The following IL36B variants were observed in gnomAD, a reference collection of about 807,000 sequenced individuals.
The protein encoded by IL36B is interleukin 36 beta.
IL36B carries 23 observed loss-of-function variants against 19.3 expected under a neutral mutation model. That is an observed-to-expected ratio of 1.19 (90% CI 0.86 to 1.69). IL36B has a LOEUF of 1.69. Among genes scored for constraint, IL36B ranks in the 40% most tolerant of loss-of-function variants. The probability of loss-of-function intolerance (pLI) is 0.00; values close to 1 mark genes in which losing one functional copy is unlikely to be tolerated. For missense variants in IL36B, 217 were observed against 200.5 expected, an observed-to-expected ratio of 1.08 and a Z score of -0.50; for synonymous variants, 59 against 59.7, an observed-to-expected ratio of 0.99 and a Z score of 0.05.
chr2:113,036,038 G>A lies in IL36B; in HGVS notation c.-57-4272C>T, dbSNP rs556777883. On this transcript the variant is annotated intron_variant, in intron 1 of 5. Coordinates refer to ENST00000259213, the MANE Select transcript of IL36B (RefSeq NM_014438.5). ...GCTCACTGAAACCTCCGCCCCACCCGGGTTCAAGAAATTCTCCTGCCTCAG... is the reference window on the plus strand; with the variant it reads ...GCTCACTGAAACCTCCGCCCCACCCAGGTTCAAGAAATTCTCCTGCCTCAG... 1.2e-4 allele frequency among the ~76,000 whole-genome samples: 18 copies of A among 152,202 alleles called. No individual in the cohort carries two copies. In the South Asian group the frequency reaches 2.9e-3, roughly 25 times the overall value.
At chr2:113,049,097 C>A (rs1685398182) in intron 1 of IL36B, among the ~76,000 whole-genome samples, 2 of 152,030 alleles carry the variant, frequency 1.3e-5, no homozygotes, top group South Asian at 4.2e-4. Context: ...GGTGCACATG[C>A]AAAAGAATGA....
intron 3 of IL36B, among the ~76,000 whole-genome samples, chr2:113,030,460 A>T (rs919691003): frequency 6.6e-6 from 1 of 152,178 alleles, no homozygotes. Context: ...GGCACAAGAA[A>T]ATGTGTTAGT....
chr2:113,028,854 C>T (rs1685013204), intron 4 of IL36B, 85 bp downstream of exon 4: 1 of 1,408,930 alleles, frequency 7.1e-7, no homozygotes, highest in South Asian at 1.4e-5. Context: ...GGGTTGCAAG[C>T]ATATTATTTT....
intron 1 of IL36B, among the ~76,000 whole-genome samples, chr2:113,038,208 C>T (rs146442203): frequency 7.7e-4 from 118 of 152,274 alleles, no homozygotes; most frequent in African/African-American, 2.6e-3. Context: ...AGGGATGATG[C>T]TTTTCTTCTT....
intron 3 of IL36B, 137 bp from the exon 4 acceptor site, chr2:113,029,215 C>A: frequency 1.2e-6 from 1 of 833,590 alleles, no homozygotes. Flanking sequence ...CCTCCTCAAA[C>A]CTATTTTGTT....
Position 113,022,555 on chromosome 2 carries a change from C to T in IL36B, c.*119G>A, listed in dbSNP as rs1248039588. The T allele has an allele frequency of 1.6e-6, 1 of 640,804 alleles. No homozygotes were observed. Among genetic ancestry groups the T allele is most frequent in the African/African-American group, 1.8e-5 (1 of 54,882 alleles). 39.7% of individuals were successfully genotyped at this position (640,804 alleles called of 1,614,324 possible). ...AAAAATACATAGTGTCCTTGTTTTA[C>T]AAACTCTCCAGAACCCAAGAAAAGA... On this transcript the variant is annotated 3_prime_UTR_variant, in exon 6 of 6. Coordinates refer to ENST00000259213, the MANE Select transcript of IL36B (RefSeq NM_014438.5).
chr2:113,033,001 G>A (rs1170081558), intron 1 of IL36B, among the ~76,000 whole-genome samples: 1 of 152,136 alleles, frequency 6.6e-6, no homozygotes, highest in Non-Finnish European at 1.5e-5. Context: ...TTCCTTGGAG[G>A]CAGAGGTGTG....
chr2:113,051,558 G>A (rs1230500034), intron 1 of IL36B, among the ~76,000 whole-genome samples: 1 of 152,192 alleles, frequency 6.6e-6, no homozygotes, highest in Non-Finnish European at 1.5e-5. Context: ...GCTGAGGGCA[G>A]GCAACAAAGC....
At chr2:113,039,249 A>C (rs1358110421) in intron 1 of IL36B, among the ~76,000 whole-genome samples, 1 of 152,202 alleles carries the variant, frequency 6.6e-6, no homozygotes, top group Non-Finnish European at 1.5e-5. Context: ...CCCCTCACTA[A>C]GACAATTATA....
At chr2:113,028,083 C>T (rs777402955) in intron 4 of IL36B, 1 of 1,614,134 alleles carries the variant, frequency 6.2e-7, no homozygotes, top group South Asian at 1.1e-5. Context: ...TCTGTGCTTT[C>T]TTCTCCACAT....
At position 113,031,059 on chromosome 2, in the gene IL36B, C is replaced by A; in HGVS notation, c.110G>T (p.Ser37Ile). Reference sequence around the variant, plus strand: ...TGATTGTCACTCACCAGGCTTAATGCTGCGGCTAAGAGGAGCTGCTATTAA... The same window carrying A: ...TGATTGTCACTCACCAGGCTTAATGATGCGGCTAAGAGGAGCTGCTATTAA... Residue 37 changes from serine (S) to isoleucine (I), a missense_variant, in exon 3 of 6, where the codon AGC becomes ATC. Physicochemically the swap from Ser to Ile is moderately radical, Grantham distance 142. Coordinates refer to ENST00000259213, the MANE Select transcript of IL36B (RefSeq NM_014438.5). 6.2e-7 allele frequency: 1 copy of A among 1,610,350 alleles called. No individual in the cohort carries two copies. The highest frequency in any genetic ancestry group is 8.5e-7 in the Non-Finnish European group (1 of 1,176,582).
chr2:113,033,561 A>G (rs747944196), intron 1 of IL36B, among the ~76,000 whole-genome samples: 3 of 152,190 alleles, frequency 2.0e-5, no homozygotes, highest in Non-Finnish European at 4.4e-5. Flanking sequence ...TTTAGGGGCC[A>G]TTAATTTTAT....
chr2:113,050,536 G>C lies in IL36B; in HGVS notation c.-58+2281C>G, dbSNP rs538403704. On this transcript the variant is annotated intron_variant, in intron 1 of 5. Transcript: ENST00000259213. ...GTTCTGGAGATGGATGGTGGTGATG[G>C]TTGCCCAACAATGTGAATGTCCTTA... Among the ~76,000 whole-genome samples the C allele has an allele frequency of 5.9e-5, 9 of 152,210 alleles. No homozygotes were observed. The East Asian group carries it at 9.6e-4, about 16-fold the overall frequency.
chr2:113,034,197 C>G (rs1378299082), intron 1 of IL36B, among the ~76,000 whole-genome samples: 1 of 152,190 alleles, frequency 6.6e-6, no homozygotes, highest in Non-Finnish European at 1.5e-5. Context: ...CATCTGACTT[C>G]CCTGCTCTGG....
chr2:113,049,869 C>T (rs1685412096), intron 1 of IL36B, among the ~76,000 whole-genome samples: 1 of 151,934 alleles, frequency 6.6e-6, no homozygotes, highest in Non-Finnish European at 1.5e-5. Flanking sequence ...GCAGGAGAAT[C>T]ACTTGAACCT....
chr2:113,042,217 C>A (rs1056528035), intron 1 of IL36B, among the ~76,000 whole-genome samples: 1 of 152,140 alleles, frequency 6.6e-6, no homozygotes, highest in African/African-American at 2.4e-5. Flanking sequence ...AGTCGTCTTG[C>A]CTTTCCGAGC....
intron 5 of IL36B, among the ~76,000 whole-genome samples, chr2:113,024,699 T>TG (rs1390476154): frequency 6.6e-6 from 1 of 152,224 alleles, no homozygotes; most frequent in Non-Finnish European, 1.5e-5. Context: ...TAAGATGGGC[T>TG]GGCTGTCTAT....
intron 1 of IL36B, among the ~76,000 whole-genome samples, chr2:113,046,820 G>A (rs1303084108): frequency 6.6e-6 from 1 of 151,896 alleles, no homozygotes; most frequent in Non-Finnish European, 1.5e-5. Context: ...ACCTGGCTGA[G>A]ATAGTGTTCA....
chr2:113,033,272 G>T (rs751892846), intron 1 of IL36B, among the ~76,000 whole-genome samples: 1 of 152,050 alleles, frequency 6.6e-6, no homozygotes, highest in Non-Finnish European at 1.5e-5. Flanking sequence ...TCGCTCTGTC[G>T]CCAAGCTGGA....
Sources: allele counts gnomAD v4.1 joint callset (sites outside exome capture counted in the v4.1 genomes callset), GRCh38; gene constraint gnomAD v4.1.1; transcripts MANE v1.5; gene names NCBI Gene and HGNC (gene_info 2026-07-23, HGNC 2026-07-21).